The following RASA1 variants were observed in gnomAD, a reference collection of about 807,000 sequenced individuals.
The protein encoded by RASA1 is RAS p21 protein activator 1.
In RASA1, 25 loss-of-function variants were observed where a neutral mutation model predicts 132.2. That is an observed-to-expected ratio of 0.19 (90% CI 0.14 to 0.26). The LOEUF is 0.26. RASA1 is among the 10% of genes least tolerant of loss of function. The pLI is 1.00. For synonymous variants in RASA1, 477 were observed against 449.9 expected, an observed-to-expected ratio of 1.06 and a Z score of -0.76; for missense variants, 964 against 1,299.2, an observed-to-expected ratio of 0.74 and a Z score of 3.97.
intron 1 of RASA1, among the ~76,000 whole-genome samples, chr5:87,312,719 T>C (rs1485836907): frequency 6.6e-6 from 1 of 152,222 alleles, no homozygotes; most frequent in African/African-American, 2.4e-5. Flanking sequence ...AATCTTCATT[T>C]CCATCTCTTC....
At chr5:87,364,372 C>CAAAT (rs1389854024) in intron 11 of RASA1, among the ~76,000 whole-genome samples, 1 of 152,046 alleles carries the variant, frequency 6.6e-6, no homozygotes, top group Non-Finnish European at 1.5e-5. Context: ...TTAAAATGAT[C>CAAAT]AAATAGGTTT....
chr5:87,384,594 GA>G (rs1761941019), intron 21 of RASA1, among the ~76,000 whole-genome samples: 3 of 152,048 alleles, frequency 2.0e-5, no homozygotes, highest in Non-Finnish European at 4.4e-5. Flanking sequence ...TTCTTTTGGA[GA>G]GATTTATCTG....
chr5:87,374,697 T>C (rs940647443), intron 14 of RASA1, 143 bp from the exon 15 acceptor site: 7 of 1,187,826 alleles, frequency 5.9e-6, no homozygotes, highest in South Asian at 2.9e-5. Context: ...TAATAAAATA[T>C]GTTGTGAATC....
intron 7 of RASA1, 78 bp from the exon 8 acceptor site, chr5:87,349,136 A>G: frequency 6.6e-7 from 1 of 1,510,320 alleles, no homozygotes; most frequent in Non-Finnish European, 9.1e-7. Flanking sequence ...CTTTGAATGC[A>G]CTTTGTAATA....
At chr5:87,350,011 T>C (rs1346191799) in intron 8 of RASA1, among the ~76,000 whole-genome samples, 1 of 151,916 alleles carries the variant, frequency 6.6e-6, no homozygotes, top group Non-Finnish European at 1.5e-5. Flanking sequence ...CTCTATTTCC[T>C]ATTTCAGAGG....
rs1488732368 is a variant in RASA1 at position 87,387,022 on chromosome 5, C to G, written c.2925+119C>G. 5.1e-6 allele frequency: 5 copies of G among 976,308 alleles called. No homozygotes were observed. The African/African-American group carries it at 8.3e-5, about 16-fold the overall frequency. The allele number at this position is 976,308 out of a possible 1,614,324, so 60.5% of individuals were successfully genotyped here. On this transcript the variant is annotated intron_variant, in intron 23 of 24. Coordinates refer to ENST00000274376, the MANE Select transcript of RASA1 (RefSeq NM_002890.3). ...ATCCAAAACTAAAAAGACAAAAAGC[C>G]TGCAAATTTTTGTCTGCCTTCCTAA... is the stretch of plus-strand genomic sequence containing the variant.
intron 3 of RASA1, 45 bp downstream of exon 3, chr5:87,332,687 G>A: frequency 6.5e-7 from 1 of 1,542,004 alleles, no homozygotes; most frequent in Non-Finnish European, 8.9e-7. Flanking sequence ...TATTTTTTCA[G>A]TACAATAATG....
intron 17 of RASA1, among the ~76,000 whole-genome samples, chr5:87,377,638 T>G (rs1165012536): frequency 6.6e-6 from 1 of 152,108 alleles, no homozygotes; most frequent in Middle Eastern, 3.2e-3. Context: ...TTTTACTTCT[T>G]CATTACACAG....
intron 1 of RASA1, among the ~76,000 whole-genome samples, chr5:87,330,618 T>A (rs1449542325): frequency 6.6e-6 from 1 of 152,180 alleles, no homozygotes; most frequent in East Asian, 1.9e-4. Flanking sequence ...ATAGGCATAC[T>A]TGGTATGCTA....
chr5:87,323,682 A>G (rs937152336), intron 1 of RASA1, among the ~76,000 whole-genome samples: 1 of 151,088 alleles, frequency 6.6e-6, no homozygotes, highest in East Asian at 1.9e-4. Flanking sequence ...TGTTTAGGGT[A>G]TTGTTATGGC....
intron 22 of RASA1, 89 bp from the exon 23 acceptor site, chr5:87,386,737 C>A: frequency 8.9e-7 from 1 of 1,121,940 alleles, no homozygotes; most frequent in Non-Finnish European, 1.4e-6. Flanking sequence ...GCAGTTTTTG[C>A]TGTTAACTGT....
chr5:87,374,460 T>TATA lies in RASA1; in HGVS notation c.1934+140_1934+141insATA, dbSNP rs375254139. On this transcript the variant is annotated intron_variant, in intron 14 of 24. Coordinates refer to ENST00000274376, the MANE Select transcript of RASA1 (RefSeq NM_002890.3). Reference sequence around the variant, plus strand: ...CTAATAGCATATATATATATATATATTTTTTTTTTTTTTTTCTGTTGTTTG... The same window carrying TATA: ...CTAATAGCATATATATATATATATATATATTTTTTTTTTTTTTTCTGTTGTTTG... 1,739 of 123,474 alleles carry TATA rather than the reference T, an allele frequency of 0.014. 9 individuals are homozygous for TATA. Among genetic ancestry groups the TATA allele is most frequent in the African/African-American group, 0.024 (597 of 24,942 alleles). 7.6% of individuals were successfully genotyped at this position (123,474 alleles called of 1,614,324 possible).
chr5:87,354,862 T>TA (rs1306221954), intron 9 of RASA1, among the ~76,000 whole-genome samples: 1 of 152,148 alleles, frequency 6.6e-6, no homozygotes, highest in Non-Finnish European at 1.5e-5. Context: ...ATTGCTGATA[T>TA]AGAGAAAATT....
intron 1 of RASA1, among the ~76,000 whole-genome samples, chr5:87,330,643 T>G (rs1757537187): frequency 6.6e-6 from 1 of 152,208 alleles, no homozygotes; most frequent in African/African-American, 2.4e-5. Flanking sequence ...TACAGCCAGT[T>G]TCTTAAGTAG....
chr5:87,280,689 A>G (rs1165417697), intron 1 of RASA1, among the ~76,000 whole-genome samples: 2 of 151,996 alleles, frequency 1.3e-5, no homozygotes, highest in Non-Finnish European at 2.9e-5. Context: ...CCCATTTTCA[A>G]ATTGGATTTT....
intron 1 of RASA1, among the ~76,000 whole-genome samples, chr5:87,270,017 G>A (rs1434275724): frequency 6.6e-6 from 1 of 151,970 alleles, no homozygotes; most frequent in Admixed American, 6.6e-5. Context: ...TGAGGTGGGC[G>A]GATCACCTGA....
chr5:87,339,954 C>G (rs960515949), intron 5 of RASA1, among the ~76,000 whole-genome samples: 8 of 152,192 alleles, frequency 5.3e-5, no homozygotes, highest in Middle Eastern at 3.4e-3. Context: ...ATTTCTCCTT[C>G]TAAAATTCTA....
chr5:87,386,933 T>A (rs748711263), intron 23 of RASA1, 30 bp downstream of exon 23: 5 of 1,555,508 alleles, frequency 3.2e-6, no homozygotes, highest in African/African-American at 1.4e-5. Flanking sequence ...GTACTTTTTT[T>A]AAGACTTCTA....
At chr5:87,291,400 G>A (rs539383169) in intron 1 of RASA1, among the ~76,000 whole-genome samples, 1 of 152,256 alleles carries the variant, frequency 6.6e-6, no homozygotes, top group South Asian at 2.1e-4. Context: ...ATGGTGGTCA[G>A]CACACCTGTG....
Sources: gnomAD v4.1 joint callset for allele counts (sites outside exome capture counted in the v4.1 genomes callset) on GRCh38, gnomAD v4.1.1 for gene constraint, MANE v1.5 for transcripts, NCBI Gene and HGNC (gene_info 2026-07-23, HGNC 2026-07-21) for gene names.